Variants in SULF1 observed in about 807,000 individuals in gnomAD.
The protein encoded by SULF1 is extracellular sulfatase Sulf-1.
SULF1 carries 46 observed loss-of-function variants against 110.5 expected under a neutral mutation model. That is an observed-to-expected ratio of 0.42 (90% CI 0.33 to 0.53). The LOEUF is 0.53. Ranked by LOEUF, SULF1 falls within the 20% of genes least tolerant of loss-of-function variation. The pLI, the probability that SULF1 is intolerant of heterozygous loss-of-function variation, is 0.12. For synonymous variants in SULF1, 371 were observed against 387.1 expected (o/e 0.96, Z 0.49); for missense variants, 941 against 1,094.2 (o/e 0.86, Z 1.98).
At chr8:69,486,627 T>C (rs1586204753) in intron 1 of SULF1, among the ~76,000 whole-genome samples, 1 of 152,198 alleles carries the variant, frequency 6.6e-6, no homozygotes, top group East Asian at 1.9e-4. Flanking sequence ...CAATAAAAAC[T>C]TGTTAACTGG....
At chr8:69,481,492 G>T (rs1809520380) in intron 1 of SULF1, among the ~76,000 whole-genome samples, 1 of 152,066 alleles carries the variant, frequency 6.6e-6, no homozygotes, top group African/African-American at 2.4e-5. Flanking sequence ...ACATGAGCAG[G>T]TTGTGCAGGT....
chr8:69,481,697 A>G (rs1809528331), intron 1 of SULF1, among the ~76,000 whole-genome samples: 1 of 152,138 alleles, frequency 6.6e-6, no homozygotes, highest in Non-Finnish European at 1.5e-5. Context: ...GCTCCCACTT[A>G]TAAGTGAGAA....
In SULF1 at chr8:69,575,988, A is replaced by G; in HGVS notation, c.191A>G (p.Asn64Ser). Residue 64 changes from asparagine (N) to serine (S), a missense_variant, in exon 6 of 23, where the codon AAC becomes AGC. This residue lies in a region of SULF1 where 822 missense variants were observed against 934.3 expected (regional missense o/e 0.88). Coordinates refer to ENST00000402687, the MANE Select transcript of SULF1 (RefSeq NM_001128205.2). ...DVELGSLQVMNKTRKIMEHGG... is the reference protein window; with the variant it reads ...DVELGSLQVMSKTRKIMEHGG... The stretch of plus-strand genomic sequence containing the variant: ...CTTTCAGGGTCCCTGCAAGTCATGA[A>G]CAAAACGAGAAAGATTATGGAACAT... 6.2e-7 allele frequency: 1 copy of G among 1,614,050 alleles called. No individual in the cohort carries two copies.
intron 18 of SULF1, among the ~76,000 whole-genome samples, chr8:69,629,260 G>C (rs1470416580): frequency 1.3e-5 from 2 of 152,062 alleles, no homozygotes; most frequent in Non-Finnish European, 2.9e-5. Flanking sequence ...TCTCAAACTC[G>C]TGACCTCAAG....
chr8:69,536,708 G>A (rs1813449093), intron 3 of SULF1, among the ~76,000 whole-genome samples: 1 of 152,158 alleles, frequency 6.6e-6, no homozygotes, highest in African/African-American at 2.4e-5. Flanking sequence ...AGGAATCCTT[G>A]GTATGTTGAT....
chr8:69,576,033 A>G lies in SULF1; in HGVS notation c.236A>G (p.Asn79Ser). The G allele has an allele frequency of 2.5e-6, 4 of 1,614,168 alleles. No homozygotes were observed. The highest frequency in any genetic ancestry group is 2.2e-5 in the East Asian group (1 of 44,876). The change falls in exon 6 of 23, where the codon AAT becomes AGT. Residue 79 changes from asparagine to serine, a missense_variant. This residue lies in a region of SULF1 where 822 missense variants were observed against 934.3 expected (regional missense o/e 0.88). Coordinates refer to ENST00000402687, the MANE Select transcript of SULF1 (RefSeq NM_001128205.2). ...GAACATGGGGGGGCCACCTTCATCAATGCCTTTGTGACTACACCCATGTGC... is the reference window on the plus strand; with the variant it reads ...GAACATGGGGGGGCCACCTTCATCAGTGCCTTTGTGACTACACCCATGTGC... ...IMEHGGATFI[N>S]AFVTTPMCCP...
chr8:69,494,946 T>C (rs1810231934), intron 1 of SULF1, among the ~76,000 whole-genome samples: 1 of 151,184 alleles, frequency 6.6e-6, no homozygotes, highest in Admixed American at 6.6e-5. Context: ...CTGGGGGCAC[T>C]GAGCAGTGTA....
At chr8:69,537,881 G>GA (rs1315256023) in intron 3 of SULF1, among the ~76,000 whole-genome samples, 1 of 142,566 alleles carries the variant, frequency 7.0e-6, no homozygotes, top group East Asian at 2.1e-4. Flanking sequence ...TGAAACAGAA[G>GA]AAAAAGAGAA....
chr8:69,533,240 A>G (rs1052302844), intron 3 of SULF1, among the ~76,000 whole-genome samples: 5 of 152,158 alleles, frequency 3.3e-5, no homozygotes, highest in African/African-American at 1.2e-4. Flanking sequence ...AAAGAATGTG[A>G]GTTTTTTATA....
intron 3 of SULF1, among the ~76,000 whole-genome samples, chr8:69,546,946 G>A (rs1485287276): frequency 6.6e-6 from 1 of 152,184 alleles, no homozygotes; most frequent in African/African-American, 2.4e-5. Context: ...GTGAAAAGTA[G>A]CAATGAAAAG....
At chr8:69,574,934 C>T (rs1478937027) in intron 5 of SULF1, among the ~76,000 whole-genome samples, 1 of 152,164 alleles carries the variant, frequency 6.6e-6, no homozygotes, top group African/African-American at 2.4e-5. Flanking sequence ...TTGCATGCTT[C>T]TCTTCTGCCC....
At chr8:69,507,915 G>A (rs1484041007) in intron 3 of SULF1, among the ~76,000 whole-genome samples, 2 of 152,118 alleles carry the variant, frequency 1.3e-5, no homozygotes, top group African/African-American at 4.8e-5. Context: ...CTGGCATGTA[G>A]GGGAAGCTGA....
intron 3 of SULF1, among the ~76,000 whole-genome samples, chr8:69,505,444 A>G (rs895404231): frequency 6.6e-6 from 1 of 152,180 alleles, no homozygotes; most frequent in Non-Finnish European, 1.5e-5. Flanking sequence ...GAGAAAATTA[A>G]GATTTTTCCT....
At chr8:69,574,866 T>G (rs977201932) in intron 5 of SULF1, among the ~76,000 whole-genome samples, 4 of 152,242 alleles carry the variant, frequency 2.6e-5, no homozygotes, top group Admixed American at 6.5e-5. Flanking sequence ...ATATGCGTCA[T>G]GTGAACGGTA....
intron 19 of SULF1, among the ~76,000 whole-genome samples, chr8:69,637,015 G>A (rs1410410272): frequency 1.3e-5 from 2 of 152,078 alleles, no homozygotes; most frequent in Admixed American, 6.6e-5. Flanking sequence ...TTCATCGCAC[G>A]TCACAATCTG....
chr8:69,629,601 G>T lies in SULF1; in HGVS notation c.2206G>T (p.Gly736Trp). ...ERKEKRRQRK[G>W]EECSLPGLTC... Reference sequence around the variant, plus strand: ...GAAGGAGAAGAGACGGCAGAGGAAGGGGGAAGAGTGCAGCCTGCCTGGCCT... The same window carrying T: ...GAAGGAGAAGAGACGGCAGAGGAAGTGGGAAGAGTGCAGCCTGCCTGGCCT... Residue 736 changes from glycine to tryptophan, a missense_variant, in exon 19 of 23, where the codon GGG becomes TGG. This residue lies in a region of SULF1 where 822 missense variants were observed against 934.3 expected (regional missense o/e 0.88). Transcript: ENST00000402687. 1 of 1,613,986 alleles carries T rather than the reference G, an allele frequency of 6.2e-7. No individual in the cohort carries two copies. The highest frequency in any genetic ancestry group is 8.5e-7 in the Non-Finnish European group (1 of 1,179,908).
At chr8:69,611,096 G>C (rs1426281477) in intron 13 of SULF1, among the ~76,000 whole-genome samples, 2 of 152,190 alleles carry the variant, frequency 1.3e-5, no homozygotes, top group African/African-American at 2.4e-5. Flanking sequence ...CTTGGCATTT[G>C]CCTATGTGCA....
chr8:69,508,293 C>T (rs1811331361), intron 3 of SULF1, among the ~76,000 whole-genome samples: 1 of 152,018 alleles, frequency 6.6e-6, no homozygotes, highest in South Asian at 2.1e-4. Flanking sequence ...TTGGTAGAGA[C>T]GGGGTTTCTC....
chr8:69,519,261 T>C (rs1379680434), intron 3 of SULF1, among the ~76,000 whole-genome samples: 1 of 152,204 alleles, frequency 6.6e-6, no homozygotes, highest in African/African-American at 2.4e-5. Context: ...CAGGGACTCA[T>C]TCATCTCTGC....
Sources: allele counts gnomAD v4.1 joint callset (sites outside exome capture counted in the v4.1 genomes callset), GRCh38; gene constraint gnomAD v4.1.1; regional missense constraint gnomAD v4.1.1; transcripts MANE v1.5; gene names NCBI Gene and HGNC (gene_info 2026-07-23, HGNC 2026-07-21).